FBN3: variants seen among roughly 807,000 people sequenced by gnomAD.
FBN3 encodes fibrillin-3.
In FBN3, 234 loss-of-function variants were observed where a neutral mutation model predicts 330.1. The ratio of observed to expected loss-of-function variants is 0.71; its 90% CI spans 0.64 to 0.79. The LOEUF is 0.79. FBN3 is among the 30% of genes least tolerant of loss of function. The pLI is 0.00. For synonymous variants in FBN3, 1,458 were observed against 1,517.3 expected, an observed-to-expected ratio of 0.96 and a Z score of 0.91; for missense variants, 3,606 against 3,886.9, an observed-to-expected ratio of 0.93 and a Z score of 1.92.
At position 8,145,911 on chromosome 19, in the gene FBN3, T is replaced by C; in HGVS notation, c.377A>G (p.Asn126Ser). 6.4e-7 allele frequency: 1 copy of C among 1,551,216 alleles called. No homozygotes were observed. Among genetic ancestry groups the C allele is most frequent in the Non-Finnish European group, 8.7e-7 (1 of 1,146,958 alleles). Residue 126 changes from asparagine (N) to serine (S), a missense_variant, in exon 5 of 64, where the codon AAT becomes AGT. Coordinates refer to ENST00000600128, the MANE Select transcript of FBN3 (RefSeq NM_032447.5). ...GGACGCCCCCCGGCAGGTGCCCCCATTCATACAGCTCACACTGCACCCTGA... is the reference window on the plus strand; with the variant it reads ...GGACGCCCCCCGGCAGGTGCCCCCACTCATACAGCTCACACTGCACCCTGA... Reference protein sequence around the residue: ...RGSGCSVSCMNGGTCRGASCL... With the variant: ...RGSGCSVSCMSGGTCRGASCL...
At chr19:8,090,475 G>GT (rs1568379769) in intron 48 of FBN3, among the ~76,000 whole-genome samples, 8 of 146,462 alleles carry the variant, frequency 5.5e-5, no homozygotes, top group Non-Finnish European at 1.0e-4. Flanking sequence ...GTTGTTGTTG[G>GT]TGGTGGTGGT....
At chr19:8,088,329 GT>G in intron 51 of FBN3, 150 bp from the exon 52 acceptor site, 1 of 936,264 alleles carries the variant, frequency 1.1e-6, no homozygotes, top group Non-Finnish European at 1.6e-6. Flanking sequence ...AGCGGTATGT[GT>G]TTAGTGAATG....
chr19:8,148,260 C>G (rs529557587), intron 1 of FBN3, among the ~76,000 whole-genome samples: 32 of 152,278 alleles, frequency 2.1e-4, no homozygotes, highest in African/African-American at 7.7e-4. Flanking sequence ...AACATCACAC[C>G]TCCTCCAGGA....
intron 25 of FBN3, among the ~76,000 whole-genome samples, chr19:8,120,357 A>T (rs974675098): frequency 1.3e-5 from 2 of 151,082 alleles, no homozygotes; most frequent in African/African-American, 2.4e-5. Flanking sequence ...TTTAATAGAG[A>T]CGGGGTTTCA....
chr19:8,103,509 GC>G, intron 39 of FBN3, 52 bp downstream of exon 39: 1 of 1,585,272 alleles, frequency 6.3e-7, no homozygotes, highest in Non-Finnish European at 8.6e-7. Context: ...TTCCTCCCAT[GC>G]CCAGGTGCTG....
At chr19:8,092,475 G>A (rs1378923651) in intron 47 of FBN3, among the ~76,000 whole-genome samples, 1 of 151,976 alleles carries the variant, frequency 6.6e-6, no homozygotes, top group Non-Finnish European at 1.5e-5. Context: ...CACTTTGGGA[G>A]GCCAAGGCTG....
Position 8,107,851 on chromosome 19 carries a change from G to C in FBN3, c.4687+319C>G, listed in dbSNP as rs542580044. On this transcript the variant is annotated intron_variant, in intron 37 of 63. Coordinates refer to ENST00000600128, the MANE Select transcript of FBN3 (RefSeq NM_032447.5). ...AGATGGATGAATGGCTGGATGGATG[G>C]GTAGAAGGATGGATGAATGGATGGA... Among the ~76,000 whole-genome samples, 8 of 151,596 alleles carry C rather than the reference G, an allele frequency of 5.3e-5. No individual in the cohort carries two copies. In the East Asian group the frequency reaches 1.6e-3, roughly 30 times the overall value.
At chr19:8,120,181 T>C (rs1198381304) in intron 25 of FBN3, among the ~76,000 whole-genome samples, 1 of 146,922 alleles carries the variant, frequency 6.8e-6, no homozygotes, top group Non-Finnish European at 1.5e-5. Flanking sequence ...TTTTTTTTTT[T>C]AATTTGGAGA....
chr19:8,131,502 T>C lies in FBN3; in HGVS notation c.1990+52A>G. The C allele has an allele frequency of 1.3e-6, 2 of 1,558,122 alleles. No homozygotes were observed. Among genetic ancestry groups the C allele is most frequent in the South Asian group, 1.2e-5 (1 of 82,022 alleles). On this transcript the variant is annotated intron_variant, in intron 15 of 63. Transcript: ENST00000600128. This position sits in a 1 kb window ranked among gnomAD's most constrained non-coding sequence, Gnocchi z 4.5. ...ACCCCCCACCAGAAGCGAGAACCGA[T>C]GGAGGCATTCAGACCAAGGAGGCGA...
chr19:8,115,898 T>C (rs1380402200), intron 29 of FBN3, among the ~76,000 whole-genome samples: 1 of 151,854 alleles, frequency 6.6e-6, no homozygotes, highest in African/African-American at 2.4e-5. Context: ...AAAAGTATTT[T>C]ATGGTCAAAT....
At chr19:8,145,079 T>C in intron 5 of FBN3, 107 bp from the exon 6 acceptor site, 1 of 993,746 alleles carries the variant, frequency 1.0e-6, no homozygotes, top group Non-Finnish European at 1.5e-6. Context: ...TGGCCCAGGT[T>C]GAATAAGACT....
At chr19:8,069,005 C>T (rs2081453774) in intron 63 of FBN3, among the ~76,000 whole-genome samples, 1 of 152,134 alleles carries the variant, frequency 6.6e-6, no homozygotes, top group South Asian at 2.1e-4. Context: ...CATTGCGACC[C>T]AGAGCCCTAA....
At chr19:8,118,045 ACT>A (rs919327957) in intron 26 of FBN3, among the ~76,000 whole-genome samples, 53 of 146,206 alleles carry the variant, frequency 3.6e-4, no homozygotes, top group African/African-American at 1.3e-3. Flanking sequence ...CCCAATGCAC[ACT>A]CACACATACA....
intron 10 of FBN3, among the ~76,000 whole-genome samples, chr19:8,137,733 A>G (rs1403308757): frequency 3.9e-5 from 6 of 151,948 alleles, no homozygotes; most frequent in Non-Finnish European, 7.4e-5. Context: ...GGCTCCAGCA[A>G]TCCTCCTGCC....
At position 8,104,732 on chromosome 19, in the gene FBN3, C is replaced by T. The variant is rs138475555; in HGVS notation, c.4814-1045G>A. ...AAAGGGCCAGAACATTTTGGTTTTG[C>T]GGGCCAAACTACAGTGTGCCATGAT... On this transcript the variant is annotated intron_variant, in intron 38 of 63. Coordinates refer to ENST00000600128, the MANE Select transcript of FBN3 (RefSeq NM_032447.5). 8.5e-5 allele frequency among the ~76,000 whole-genome samples: 13 copies of T among 152,180 alleles called. 1 individual carries two copies. The highest frequency in any genetic ancestry group is 6.5e-4 in the Admixed American group (10 of 15,290).
At position 8,066,254 on chromosome 19, in the gene FBN3, G is replaced by C. The variant is rs1419056798; in HGVS notation, c.8095C>G (p.Leu2699Val). Residue 2699 changes from leucine to valine, a missense_variant, in exon 64 of 64, where the codon CTG (leucine) becomes GTG (valine). By Grantham distance (32) the Leu-to-Val change is conservative. Coordinates refer to ENST00000600128, the MANE Select transcript of FBN3 (RefSeq NM_032447.5). The part of the protein sequence containing the change: ...RSAHRDHQVN[L>V]ATLDSEALLT... ...AGGGCCTCGGAGTCAAGGGTGGCCA[G>C]GTTCACCTGGGAAGAAAGGCCAGGT... 9.7e-6 allele frequency: 15 copies of C among 1,549,532 alleles called. No individual in the cohort carries two copies. The highest frequency in any genetic ancestry group is 1.2e-5 in the Non-Finnish European group (14 of 1,144,638).
intron 51 of FBN3, among the ~76,000 whole-genome samples, chr19:8,089,025 A>G (rs111211963): frequency 1.3e-5 from 2 of 152,322 alleles, no homozygotes; most frequent in African/African-American, 4.8e-5. Context: ...TGAATGAGTG[A>G]GGGGGCAAAT....
chr19:8,071,933 CTGG>C, intron 63 of FBN3, 112 bp downstream of exon 63: 5 of 1,077,282 alleles, frequency 4.6e-6, no homozygotes, highest in Non-Finnish European at 5.3e-6. Context: ...CTGTTGGGAT[CTGG>C]AGCCTGGTGC....
chr19:8,117,206 C>T lies in FBN3; in HGVS notation c.3549G>A (p.Gln1183=). ...TTCCGTCGGGCATCAGCGAGTAGCC[C>T]TGCCCACAGCTGCACCGGTAGCTGC... ...TEGSYRCSCG[Q]GYSLMPDGRA... The change falls in exon 28 of 64, where the codon CAG becomes CAA. Residue 1183 remains glutamine (Q), a synonymous_variant. Transcript: ENST00000600128. 1 of 1,614,094 alleles carries T rather than the reference C, an allele frequency of 6.2e-7. No homozygotes were observed. Among genetic ancestry groups the T allele is most frequent in the East Asian group, 2.2e-5 (1 of 44,880 alleles).
Sources: allele counts gnomAD v4.1 joint callset (sites outside exome capture counted in the v4.1 genomes callset), GRCh38; gene constraint gnomAD v4.1.1; non-coding constraint Gnocchi (gnomAD v3.1); transcripts MANE v1.5; gene names NCBI Gene and HGNC (gene_info 2026-07-23, HGNC 2026-07-21).